CCSER1: variants seen among roughly 807,000 people sequenced by gnomAD.
CCSER1 encodes coiled-coil serine rich protein 1.
Under a neutral mutation model 82.0 loss-of-function variants are expected in CCSER1, and 41 were observed. The ratio of observed to expected loss-of-function variants is 0.50; its 90% CI spans 0.39 to 0.65. CCSER1 has a LOEUF of 0.65. Ranked by LOEUF, CCSER1 falls within the 30% of genes least tolerant of loss-of-function variation. The pLI is 0.00. For synonymous variants in CCSER1, 414 were observed against 383.9 expected, an observed-to-expected ratio of 1.08 and a Z score of -0.92; for missense variants, 1,119 against 1,064.2, an observed-to-expected ratio of 1.05 and a Z score of -0.72.
chr4:90,548,111 G>T (rs1241182534), intron 5 of CCSER1, among the ~76,000 whole-genome samples: 1 of 151,962 alleles, frequency 6.6e-6, no homozygotes, highest in Non-Finnish European at 1.5e-5. Context: ...ATCATTCTGG[G>T]ATGCTATTTG....
At chr4:90,984,229 A>G (rs914438264) in intron 9 of CCSER1, among the ~76,000 whole-genome samples, 1 of 151,814 alleles carries the variant, frequency 6.6e-6, no homozygotes, top group African/African-American at 2.4e-5. Context: ...GAGAAAGTGC[A>G]ATGTACCGAG....
intron 3 of CCSER1, among the ~76,000 whole-genome samples, chr4:90,364,031 GA>G (rs1745845418): frequency 1.3e-5 from 2 of 151,778 alleles, no homozygotes; most frequent in East Asian, 1.9e-4. Flanking sequence ...GCAAGAGCAA[GA>G]AAAAAAAGTA....
intron 6 of CCSER1, among the ~76,000 whole-genome samples, chr4:90,708,912 T>A (rs1183427522): frequency 2.0e-5 from 3 of 152,134 alleles, no homozygotes; most frequent in Non-Finnish European, 4.4e-5. Flanking sequence ...TAGTAAAAAT[T>A]AAGGCATTAG....
chr4:91,231,448 CAGAG>C (rs906475732), intron 10 of CCSER1, among the ~76,000 whole-genome samples: 26 of 151,678 alleles, frequency 1.7e-4, no homozygotes, highest in African/African-American at 5.8e-4. Context: ...ATATGAAACA[CAGAG>C]AGGTGTGGTG....
intron 5 of CCSER1, among the ~76,000 whole-genome samples, chr4:90,560,366 G>T (rs965720878): frequency 2.6e-5 from 4 of 151,918 alleles, no homozygotes; most frequent in Non-Finnish European, 5.9e-5. Flanking sequence ...TTTTGAAAGT[G>T]CCAGGCAGAC....
In CCSER1 at chr4:91,296,483, A is replaced by ATATATATATATATATTTATTTATT. The variant is rs1175690764; in HGVS notation, c.2217+210492_2217+210493insATATATATATATTTATTTATTTAT. 5.1e-4 allele frequency among the ~76,000 whole-genome samples: 63 copies of ATATATATATATATATTTATTTATT among 124,012 alleles called. 1 individual carries two copies. Among genetic ancestry groups the ATATATATATATATATTTATTTATT allele is most frequent in the African/African-American group, 7.2e-4 (21 of 29,188 alleles). 81.4% of individuals were successfully genotyped at this position (124,012 alleles called of 152,430 possible). ...TATATATATGTATATATATATATAT[A>ATATATATATATATATTTATTTATT]TATTTTAATTAAATATACAGTTATC... On this transcript the variant is annotated intron_variant, in intron 10 of 10. Coordinates refer to ENST00000509176, the MANE Select transcript of CCSER1 (RefSeq NM_001145065.2).
At chr4:90,866,780 G>A (rs141674211) in intron 8 of CCSER1, among the ~76,000 whole-genome samples, 43 of 152,012 alleles carry the variant, frequency 2.8e-4, no homozygotes, top group Middle Eastern at 3.4e-3. Context: ...TTCATGTATC[G>A]GGGGTGGAGC....
intron 3 of CCSER1, among the ~76,000 whole-genome samples, chr4:90,353,615 AG>A (rs138694848): frequency 0.02 from 3,002 of 152,300 alleles, 49 homozygotes; most frequent in South Asian, 0.045. Flanking sequence ...ACCCAACAAA[AG>A]GTTGTGATCC....
chr4:90,804,202 A>G (rs567120682), intron 7 of CCSER1, among the ~76,000 whole-genome samples: 1 of 152,260 alleles, frequency 6.6e-6, no homozygotes, highest in South Asian at 2.1e-4. Flanking sequence ...GCTATGCAGA[A>G]GCTCTTTAGT....
At chr4:90,424,611 G>C (rs1757275387) in intron 4 of CCSER1, among the ~76,000 whole-genome samples, 1 of 152,034 alleles carries the variant, frequency 6.6e-6, no homozygotes, top group Admixed American at 6.6e-5. Flanking sequence ...GAGAAGCTTT[G>C]ATTACTAAGA....
intron 9 of CCSER1, among the ~76,000 whole-genome samples, chr4:90,998,657 A>G (rs1239955480): frequency 1.3e-5 from 2 of 152,178 alleles, no homozygotes; most frequent in Admixed American, 6.5e-5. Flanking sequence ...TTTGGGCATT[A>G]TATTTTAAAA....
intron 5 of CCSER1, among the ~76,000 whole-genome samples, chr4:90,617,191 A>T (rs1000609106): frequency 6.6e-6 from 1 of 152,104 alleles, no homozygotes; most frequent in Non-Finnish European, 1.5e-5. Flanking sequence ...TATTTGGTGG[A>T]GGTATGTCTT....
At chr4:90,169,518 A>G (rs1163365371) in intron 1 of CCSER1, among the ~76,000 whole-genome samples, 1 of 152,088 alleles carries the variant, frequency 6.6e-6, no homozygotes, top group African/African-American at 2.4e-5. Context: ...ACTATGTTGA[A>G]TAGGAGTGGT....
rs995664863 is a variant in CCSER1, at chr4:91,604,938, CTTAG to C, written c.*5886_*5889del. The C allele has an allele frequency of 6.6e-6, 1 of 151,822 alleles. No individual in the cohort carries two copies. Among genetic ancestry groups the C allele is most frequent in the Non-Finnish European group, 1.5e-5 (1 of 67,882 alleles). The allele number at this position is 151,822 out of a possible 1,614,324, so 9.4% of individuals were successfully genotyped here. On this transcript the variant is annotated 3_prime_UTR_variant, in exon 11 of 11. Transcript: ENST00000509176. ...AAAAGAATGCAAGAGAATTGATTAT[CTTAG>C]TTAGACCCCATTTTTAAGGAAAAAA...
At chr4:91,163,937 T>C (rs1157179781) in intron 10 of CCSER1, among the ~76,000 whole-genome samples, 1 of 152,138 alleles carries the variant, frequency 6.6e-6, no homozygotes, top group African/African-American at 2.4e-5. Context: ...ACATTTAAGG[T>C]TAATATTGTT....
chr4:90,719,198 C>G (rs977018036), intron 6 of CCSER1, among the ~76,000 whole-genome samples: 4 of 152,020 alleles, frequency 2.6e-5, no homozygotes, highest in Non-Finnish European at 5.9e-5. Context: ...AGATCAGCTG[C>G]GGCATTAGAG....
At chr4:90,681,876 G>A (rs1357872877) in intron 6 of CCSER1, among the ~76,000 whole-genome samples, 1 of 151,796 alleles carries the variant, frequency 6.6e-6, no homozygotes, top group East Asian at 1.9e-4. Context: ...TTCATATTGG[G>A]TGTTTACCAC....
chr4:91,378,134 GC>G (rs1293687659), intron 10 of CCSER1, among the ~76,000 whole-genome samples: 1 of 152,174 alleles, frequency 6.6e-6, no homozygotes, highest in East Asian at 1.9e-4. Flanking sequence ...CCAGTGCCAT[GC>G]TGTTTTGGTT....
intron 10 of CCSER1, among the ~76,000 whole-genome samples, chr4:91,497,352 T>A (rs1560717887): frequency 6.6e-6 from 1 of 151,470 alleles, no homozygotes. Flanking sequence ...TTTACATTTC[T>A]AAAAAAAATA....
Sources: gnomAD v4.1 joint callset for allele counts (sites outside exome capture counted in the v4.1 genomes callset) on GRCh38, gnomAD v4.1.1 for gene constraint, MANE v1.5 for transcripts, NCBI Gene and HGNC (gene_info 2026-07-23, HGNC 2026-07-21) for gene names.